Variants in GABRG3 observed in about 807,000 individuals in gnomAD.
GABRG3 encodes the protein gamma-aminobutyric acid receptor subunit gamma-3.
Under a neutral mutation model 48.8 loss-of-function variants are expected in GABRG3, and 25 were observed. The ratio of observed to expected loss-of-function variants is 0.51; its 90% CI spans 0.37 to 0.72. GABRG3 has a LOEUF of 0.72. GABRG3 is among the 30% of genes least tolerant of loss of function. The pLI, the probability that GABRG3 is intolerant of heterozygous loss-of-function variation, is 0.00. For missense variants in GABRG3, 394 were observed against 577.9 expected (o/e 0.68, Z 3.26); for synonymous variants, 227 against 217.6 (o/e 1.04, Z -0.38).
At chr15:27,173,451 G>A (rs1478581694) in intron 3 of GABRG3, among the ~76,000 whole-genome samples, 1 of 152,246 alleles carries the variant, frequency 6.6e-6, no homozygotes, top group East Asian at 1.9e-4. Flanking sequence ...GAAAGAGAGA[G>A]AGATTCTGAA....
chr15:27,532,896 GAA>G lies in GABRG3; in HGVS notation c.*16_*17del. On this transcript the variant is annotated 3_prime_UTR_variant, in exon 10 of 10. Coordinates refer to ENST00000615808, the MANE Select transcript of GABRG3 (RefSeq NM_033223.5). ...TGTATCTCTAAGTGTTGCTCAGAGT[GAA>G]GAGTGAAGAGCATTTGGTACACACT... is the stretch of plus-strand genomic sequence containing the variant. 6.2e-7 allele frequency: 1 copy of G among 1,609,404 alleles called. No individual in the cohort carries two copies. Among genetic ancestry groups the G allele is most frequent in the Non-Finnish European group, 8.5e-7 (1 of 1,177,642 alleles).
chr15:27,334,564 A>G (rs562454257), intron 5 of GABRG3, among the ~76,000 whole-genome samples: 35 of 152,276 alleles, frequency 2.3e-4, no homozygotes, highest in Non-Finnish European at 3.8e-4. Context: ...GGTCACACTA[A>G]TGCATGGCAC....
intron 3 of GABRG3, among the ~76,000 whole-genome samples, chr15:27,032,290 T>G (rs1896100166): frequency 6.6e-6 from 1 of 152,246 alleles, no homozygotes; most frequent in Admixed American, 6.5e-5. Flanking sequence ...CTGGAACACA[T>G]TAACCATGAA....
At chr15:27,468,509 C>G (rs1268703488) in intron 5 of GABRG3, among the ~76,000 whole-genome samples, 3 of 152,124 alleles carry the variant, frequency 2.0e-5, no homozygotes, top group African/African-American at 7.2e-5. Flanking sequence ...TTGGTCTTAG[C>G]CAGTTTGGTC....
At chr15:27,167,576 A>G (rs570104946) in intron 3 of GABRG3, among the ~76,000 whole-genome samples, 1 of 152,264 alleles carries the variant, frequency 6.6e-6, no homozygotes, top group African/African-American at 2.4e-5. Flanking sequence ...AAATCCCTCC[A>G]CATACTACTA....
intron 5 of GABRG3, among the ~76,000 whole-genome samples, chr15:27,342,064 A>G (rs761779072): frequency 1.3e-5 from 2 of 152,216 alleles, no homozygotes; most frequent in Non-Finnish European, 2.9e-5. Context: ...AGTGAAGCTC[A>G]GTGTGAGCAT....
intron 3 of GABRG3, among the ~76,000 whole-genome samples, chr15:27,102,874 G>A (rs879797967): frequency 1.8e-4 from 27 of 152,138 alleles, no homozygotes; most frequent in East Asian, 3.9e-4. Flanking sequence ...AAGTACCACC[G>A]GCATTAAAAA....
intron 2 of GABRG3, among the ~76,000 whole-genome samples, chr15:27,012,316 G>C (rs1196060393): frequency 6.6e-6 from 1 of 151,994 alleles, no homozygotes; most frequent in African/African-American, 2.4e-5. Context: ...TGTACCTTTT[G>C]TTGGGCTCAT....
intron 3 of GABRG3, among the ~76,000 whole-genome samples, chr15:27,054,106 G>T (rs1896500295): frequency 3.3e-5 from 5 of 152,032 alleles, no homozygotes; most frequent in Admixed American, 3.3e-4. Context: ...AAAAAAAATA[G>T]CACGCACCTG....
chr15:27,290,111 A>G (rs562284173), intron 3 of GABRG3, among the ~76,000 whole-genome samples: 27 of 152,160 alleles, frequency 1.8e-4, no homozygotes, highest in Non-Finnish European at 1.8e-4. Context: ...AAATGCACTG[A>G]TGGAGGTATG....
chr15:27,348,893 T>C (rs562292208), intron 5 of GABRG3, among the ~76,000 whole-genome samples: 69 of 152,092 alleles, frequency 4.5e-4, no homozygotes, highest in Non-Finnish European at 9.1e-4. Flanking sequence ...AAATGTGGGG[T>C]GCTTTTGAAT....
chr15:27,145,603 C>CTCTATCTATCTATCTATCTATCTATCA lies in GABRG3; in HGVS notation c.270+118808_270+118809insATCTATCTATCTATCTATCTATCTATC, dbSNP rs1555405978. On this transcript the variant is annotated intron_variant, in intron 3 of 9. Coordinates refer to ENST00000615808, the MANE Select transcript of GABRG3 (RefSeq NM_033223.5). ...ACTAGGCATATATACATATATCTATCTCTATCTATCTATCTATCTATCTAT... is the reference window on the plus strand; with the variant it reads ...ACTAGGCATATATACATATATCTATCTCTATCTATCTATCTATCTATCTATCATCTATCTATCTATCTATCTATCTAT... Among the ~76,000 whole-genome samples the CTCTATCTATCTATCTATCTATCTATCA allele has an allele frequency of 8.9e-3, 915 of 102,382 alleles. 13 individuals are homozygous for CTCTATCTATCTATCTATCTATCTATCA. Among genetic ancestry groups the CTCTATCTATCTATCTATCTATCTATCA allele is most frequent in the South Asian group, 0.015 (46 of 3,138 alleles). 67.2% of individuals were successfully genotyped at this position (102,382 alleles called of 152,430 possible). A position where few individuals can be genotyped will look rare whatever the true frequency, so the allele number is the denominator to read the frequency against.
At chr15:27,486,775 A>T (rs1311709724) in intron 6 of GABRG3, among the ~76,000 whole-genome samples, 1 of 152,196 alleles carries the variant, frequency 6.6e-6, no homozygotes, top group Admixed American at 6.5e-5. Flanking sequence ...TGCAATATAT[A>T]TATACAAATA....
chr15:27,098,901 A>G (rs1897310291), intron 3 of GABRG3, among the ~76,000 whole-genome samples: 1 of 152,094 alleles, frequency 6.6e-6, no homozygotes, highest in South Asian at 2.1e-4. Context: ...GGTCATGACA[A>G]AACAAGCCAG....
intron 5 of GABRG3, among the ~76,000 whole-genome samples, chr15:27,342,427 C>G (rs1277021925): frequency 4.6e-5 from 7 of 152,172 alleles, no homozygotes; most frequent in Non-Finnish European, 1.0e-4. Context: ...AGCACATCAC[C>G]CCTCCACAGC....
At chr15:27,089,120 G>A (rs1015118839) in intron 3 of GABRG3, among the ~76,000 whole-genome samples, 2 of 152,186 alleles carry the variant, frequency 1.3e-5, no homozygotes, top group African/African-American at 4.8e-5. Flanking sequence ...GGGGCCATAG[G>A]GCAGGAAGGA....
chr15:27,284,133 A>G (rs1430160997), intron 3 of GABRG3, among the ~76,000 whole-genome samples: 1 of 152,220 alleles, frequency 6.6e-6, no homozygotes, highest in African/African-American at 2.4e-5. Context: ...GACTTATATT[A>G]GACTTCAACT....
intron 5 of GABRG3, among the ~76,000 whole-genome samples, chr15:27,404,347 C>T (rs376573388): frequency 2.0e-5 from 3 of 152,158 alleles, no homozygotes; most frequent in African/African-American, 7.2e-5. Context: ...TGTAATTGTC[C>T]AAGTTCCTCA....
intron 2 of GABRG3, among the ~76,000 whole-genome samples, chr15:26,978,549 T>C (rs1352875472): frequency 6.6e-6 from 1 of 152,206 alleles, no homozygotes; most frequent in Non-Finnish European, 1.5e-5. Flanking sequence ...CCTCCATGGA[T>C]GCCCAATTAC....
Sources: gnomAD v4.1 joint callset for allele counts (sites outside exome capture counted in the v4.1 genomes callset) on GRCh38, gnomAD v4.1.1 for gene constraint, MANE v1.5 for transcripts, NCBI Gene and HGNC (gene_info 2026-07-23, HGNC 2026-07-21) for gene names.